The following SEC23IP variants were observed in gnomAD, a reference collection of about 807,000 sequenced individuals.
SEC23IP encodes SEC23 interacting protein, also known as SEC23-interacting protein.
SEC23IP carries 70 observed loss-of-function variants against 113.4 expected under a neutral mutation model. The observed-to-expected ratio is 0.62, with a 90% CI of 0.51 to 0.75. SEC23IP has a LOEUF of 0.75. Among genes scored for constraint, SEC23IP ranks in the 30% least tolerant of loss-of-function variants. The probability of loss-of-function intolerance (pLI) is 0.00; values close to 1 mark genes in which losing one functional copy is unlikely to be tolerated. For synonymous variants in SEC23IP, 398 were observed against 421.0 expected (o/e 0.95, Z 0.67); for missense variants, 1,160 against 1,204.9 (o/e 0.96, Z 0.55).
intron 18 of SEC23IP, among the ~76,000 whole-genome samples, chr10:119,935,180 G>C (rs528331154): frequency 6.6e-6 from 1 of 152,286 alleles, no homozygotes; most frequent in African/African-American, 2.4e-5. Context: ...GACAAAAGAG[G>C]CTGGGTGTAG....
chr10:119,932,261 G>T lies in SEC23IP; in HGVS notation c.2701G>T (p.Glu901Ter). The T allele has an allele frequency of 6.2e-7, 1 of 1,614,130 alleles. No individual in the cohort carries two copies. The highest frequency in any genetic ancestry group is 8.5e-7 in the Non-Finnish European group (1 of 1,179,984). The change falls in exon 16 of 19, where the codon GAA becomes TAA. Residue 901 changes from glutamate (E) to a stop codon, truncating the protein, a stop_gained. Transcript: ENST00000369075. LOFTEE classifies it high-confidence loss of function. Reference sequence around the variant, plus strand: ...TACGTCTTCAACCCAGTTGCAAGAAGAATTGGAGAAGGTGGCCAATCAGAT... The same window carrying T: ...TACGTCTTCAACCCAGTTGCAAGAATAATTGGAGAAGGTGGCCAATCAGAT... Reference protein sequence around the residue: ...AHTSSTQLQEELEKVANQIKE... With the variant: ...AHTSSTQLQE
At chr10:119,926,325 T>G in intron 13 of SEC23IP, 98 bp downstream of exon 13, 1 of 1,238,376 alleles carries the variant, frequency 8.1e-7, no homozygotes, top group Non-Finnish European at 1.1e-6. Flanking sequence ...TTATTTAACA[T>G]TTATTTGTGA....
At chr10:119,911,694 T>C (rs1172273404) in intron 5 of SEC23IP, among the ~76,000 whole-genome samples, 6 of 152,062 alleles carry the variant, frequency 3.9e-5, no homozygotes, top group African/African-American at 1.4e-4. Flanking sequence ...AGGCTTGTCT[T>C]GAACGCCTGG....
intron 13 of SEC23IP, among the ~76,000 whole-genome samples, chr10:119,927,335 G>T (rs920607214): frequency 6.6e-6 from 1 of 152,278 alleles, no homozygotes; most frequent in Non-Finnish European, 1.5e-5. Context: ...CCACAACCTG[G>T]GTGGCCTTGA....
chr10:119,904,084 T>G lies in SEC23IP; in HGVS notation c.908T>G (p.Val303Gly). The G allele has an allele frequency of 3.1e-6, 5 of 1,613,764 alleles. No homozygotes were observed. Among genetic ancestry groups the G allele is most frequent in the Non-Finnish European group, 3.4e-6 (4 of 1,179,692 alleles). ...GAAAAGTGTTAATTTTGTTCTCTAG[T>G]TCAGCCAGATCCGGAGAGCGTGGTT... ...SLNLEEIYNS[V>G]QPDPESVVLG... The change falls in exon 4 of 19, where the codon GTT becomes GGT. Residue 303 changes from valine to glycine, a missense_variant and splice_region_variant. Physicochemically the swap from Val to Gly is moderately radical, Grantham distance 109 (BLOSUM62 -3). Coordinates refer to ENST00000369075, the MANE Select transcript of SEC23IP (RefSeq NM_007190.4).
intron 4 of SEC23IP, among the ~76,000 whole-genome samples, chr10:119,906,260 C>A (rs1442427830): frequency 1.6e-5 from 2 of 125,228 alleles, no homozygotes; most frequent in African/African-American, 6.1e-5. Context: ...TTAGCCTGGG[C>A]AACAGAGCAA....
intron 18 of SEC23IP, among the ~76,000 whole-genome samples, chr10:119,938,435 C>T (rs752113083): frequency 6.6e-6 from 1 of 152,126 alleles, no homozygotes; most frequent in Non-Finnish European, 1.5e-5. Context: ...TTGCTTTTAT[C>T]CCTCATTGAG....
chr10:119,932,384 A>C (rs1410092320), intron 16 of SEC23IP, 66 bp downstream of exon 16: 1 of 1,209,098 alleles, frequency 8.3e-7, no homozygotes, highest in Admixed American at 2.2e-5. Flanking sequence ...CTTAAAAGTT[A>C]TATGATGATG....
intron 7 of SEC23IP, 133 bp downstream of exon 7, chr10:119,914,952 T>C: frequency 1.3e-6 from 1 of 773,828 alleles, no homozygotes; most frequent in Non-Finnish European, 2.2e-6. Context: ...ATTTAAATGG[T>C]CAGTGGGAAA....
At chr10:119,936,167 ACTCTG>A (rs1282301150) in intron 18 of SEC23IP, among the ~76,000 whole-genome samples, 1 of 151,940 alleles carries the variant, frequency 6.6e-6, no homozygotes, top group Non-Finnish European at 1.5e-5. Flanking sequence ...ATTATAAATA[ACTCTG>A]ATATGTAGTT....
At position 119,943,433 on chromosome 10, in the gene SEC23IP, A is replaced by G. The variant is rs1042154139; in HGVS notation, c.*2868A>G. 31 of 152,218 alleles carry G rather than the reference A, an allele frequency of 2.0e-4. No individual in the cohort carries two copies. The highest frequency in any genetic ancestry group is 7.5e-4 in the African/African-American group (31 of 41,434). 9.4% of individuals were successfully genotyped at this position (152,218 alleles called of 1,614,324 possible). ...GGGGTTAACCCCATCTCTACTAAAAATAAAAAAAATTAGCTGGGCATGGTG... is the reference window on the plus strand; with the variant it reads ...GGGGTTAACCCCATCTCTACTAAAAGTAAAAAAAATTAGCTGGGCATGGTG... On this transcript the variant is annotated 3_prime_UTR_variant, in exon 19 of 19. Transcript: ENST00000369075.
rs770840256 is a variant in SEC23IP, at chr10:119,898,572, T to C, written c.309T>C (p.Thr103=). The C allele has an allele frequency of 6.2e-7, 1 of 1,614,206 alleles. No individual in the cohort carries two copies. The highest frequency in any genetic ancestry group is 8.5e-7 in the Non-Finnish European group (1 of 1,180,038). Residue 103 remains threonine (T), a synonymous_variant, in exon 2 of 19, where the codon ACT becomes ACC. Coordinates refer to ENST00000369075, the MANE Select transcript of SEC23IP (RefSeq NM_007190.4). ...ATATTGGACAGTCACCATTAACAAC[T>C]GCAGCAACCTCAGTTGGACAATCAG... ...FGNIGQSPLT[T]AATSVGQSGF...
chr10:119,914,845 A>C (rs780501791), intron 7 of SEC23IP, 26 bp downstream of exon 7: 3 of 1,591,524 alleles, frequency 1.9e-6, no homozygotes, highest in Non-Finnish European at 2.6e-6. Flanking sequence ...ATTGTATTTC[A>C]TGGGATGATC....
chr10:119,926,165 G>A lies in SEC23IP; in HGVS notation c.2251G>A (p.Val751Ile). Residue 751 changes from valine to isoleucine, a missense_variant, in exon 13 of 19, where the codon GTT (valine) becomes ATT (isoleucine). Transcript: ENST00000369075. ...ESNEPKRKLP[V>I]GACVSSVCVN... is the part of the protein sequence containing the mutation. ...CAATGAGCCAAAGAGGAAACTTCCAGTTGGTGCTTGCGTGTCTTCTGTGTG... is the reference window on the plus strand; with the variant it reads ...CAATGAGCCAAAGAGGAAACTTCCAATTGGTGCTTGCGTGTCTTCTGTGTG... 1 of 1,614,170 alleles carries A rather than the reference G, an allele frequency of 6.2e-7. No homozygotes were observed. Among genetic ancestry groups the A allele is most frequent in the Middle Eastern group, 1.6e-4 (1 of 6,062 alleles).
intron 18 of SEC23IP, among the ~76,000 whole-genome samples, chr10:119,934,358 G>A (rs938432175): frequency 1.3e-5 from 2 of 152,200 alleles, no homozygotes; most frequent in African/African-American, 4.8e-5. Flanking sequence ...CATACCTATT[G>A]ACTAGGCCTG....
In SEC23IP at chr10:119,898,916, C is replaced by G. The variant is rs572970614; in HGVS notation, c.653C>G (p.Pro218Arg). The G allele has an allele frequency of 7.5e-6, 12 of 1,600,602 alleles. No individual in the cohort carries two copies. Reference protein sequence around the residue: ...GPPAHPPPSGPPVQMYQMPPG... With the variant: ...GPPAHPPPSGRPVQMYQMPPG... ...CCTGCTCATCCTCCACCTTCTGGAC[C>G]CCCTGTTCAGATGTACCAGATGCCT... Residue 218 changes from proline (P) to arginine (R), a missense_variant, in exon 2 of 19, where the codon CCC becomes CGC. Physicochemically the swap from Pro to Arg is moderately radical, Grantham distance 103. Coordinates refer to ENST00000369075, the MANE Select transcript of SEC23IP (RefSeq NM_007190.4).
In SEC23IP at chr10:119,926,174, T is replaced by C. The variant is rs780257626; in HGVS notation, c.2260T>C (p.Cys754Arg). The C allele has an allele frequency of 6.2e-7, 1 of 1,614,148 alleles. No individual in the cohort carries two copies. The highest frequency in any genetic ancestry group is 1.1e-5 in the South Asian group (1 of 91,080). ...EPKRKLPVGACVSSVCVNYES... is the reference protein window; with the variant it reads ...EPKRKLPVGARVSSVCVNYES... ...AAAGAGGAAACTTCCAGTTGGTGCT[T>C]GCGTGTCTTCTGTGTGTGTGAATTA... The change falls in exon 13 of 19, where the codon TGC (cysteine) becomes CGC (arginine). Residue 754 changes from cysteine (C) to arginine (R), a missense_variant. By Grantham distance (180) the Cys-to-Arg change is radical. Coordinates refer to ENST00000369075, the MANE Select transcript of SEC23IP (RefSeq NM_007190.4).
chr10:119,911,839 G>A (rs369655801), intron 5 of SEC23IP, among the ~76,000 whole-genome samples: 6 of 152,266 alleles, frequency 3.9e-5, no homozygotes, highest in African/African-American at 1.4e-4. Context: ...TTCAACATAA[G>A]CATTGGAAAG....
chr10:119,924,920 GGC>G (rs1460920904), intron 12 of SEC23IP, among the ~76,000 whole-genome samples: 2 of 152,016 alleles, frequency 1.3e-5, no homozygotes, highest in Non-Finnish European at 2.9e-5. Context: ...TGGGACTTCA[GGC>G]ATGCACCACC....
Sources: allele counts gnomAD v4.1 joint callset (sites outside exome capture counted in the v4.1 genomes callset), GRCh38; gene constraint gnomAD v4.1.1; transcripts MANE v1.5; gene names NCBI Gene and HGNC (gene_info 2026-07-23, HGNC 2026-07-21).